The following EIF3A variants were observed in gnomAD, a reference collection of about 807,000 sequenced individuals.
EIF3A encodes eukaryotic translation initiation factor 3 subunit A.
EIF3A carries 21 observed loss-of-function variants against 186.6 expected under a neutral mutation model. That is an observed-to-expected ratio of 0.11 (90% CI 0.08 to 0.16). The LOEUF is 0.16. Ranked by LOEUF, EIF3A falls within the 10% of genes least tolerant of loss-of-function variation. EIF3A has a pLI of 1.00. For missense variants in EIF3A, 1,306 were observed against 1,796.3 expected, an observed-to-expected ratio of 0.73 and a Z score of 4.93; for synonymous variants, 563 against 584.3, an observed-to-expected ratio of 0.96 and a Z score of 0.52.
chr10:119,047,254 C>T (rs1848293360), intron 17 of EIF3A, among the ~76,000 whole-genome samples: 1 of 152,024 alleles, frequency 6.6e-6, no homozygotes, highest in South Asian at 2.1e-4. Context: ...GGCAACAGAG[C>T]GAGACTGTCT....
intron 8 of EIF3A, 29 bp downstream of exon 8, chr10:119,061,195 A>T: frequency 1.5e-6 from 2 of 1,307,986 alleles, no homozygotes; most frequent in Non-Finnish European, 2.2e-6. Flanking sequence ...CTCTGTGGTA[A>T]CAACCAGAAC....
chr10:119,040,534 A>ATG, intron 19 of EIF3A, among the ~76,000 whole-genome samples: 1 of 152,318 alleles, frequency 6.6e-6, no homozygotes, highest in East Asian at 1.9e-4. Context: ...GATGTGCTAT[A>ATG]TGCAGTAAGC....
chr10:119,049,591 C>A (rs1175593503), intron 17 of EIF3A, among the ~76,000 whole-genome samples: 1 of 145,688 alleles, frequency 6.9e-6, no homozygotes, highest in Non-Finnish European at 1.5e-5. Context: ...AAATACATCA[C>A]AATTACAAAA....
At position 119,042,842 on chromosome 10, in the gene EIF3A, T is replaced by C. The variant is rs903474368; in HGVS notation, c.2748-70A>G. On this transcript the variant is annotated intron_variant, in intron 18 of 21. Transcript: ENST00000369144. This position sits in a 1 kb window ranked among gnomAD's most constrained non-coding sequence, Gnocchi z 7.8. The stretch of plus-strand genomic sequence containing the variant: ...CATATGATCCTTTGGGGATTTTTTT[T>C]TTCACATGCTTTTTAAAAACTTCAG... 1 of 1,467,486 alleles carries C rather than the reference T, an allele frequency of 6.8e-7. No homozygotes were observed. Among genetic ancestry groups the C allele is most frequent in the African/African-American group, 1.4e-5 (1 of 70,092 alleles). The allele number at this position is 1,467,486 out of a possible 1,614,324, so 90.9% of individuals were successfully genotyped here.
chr10:119,037,080 A>C (rs1848141885), intron 21 of EIF3A, 39 bp downstream of exon 21: 31 of 360,942 alleles, frequency 8.6e-5, no homozygotes, highest in East Asian at 1.5e-4. Flanking sequence ...CCCAGAAACG[A>C]CAGTTCTCCA....
At position 119,080,757 on chromosome 10, in the gene EIF3A, C is replaced by A. The variant is rs1844252863; in HGVS notation, c.-81G>T. On this transcript the variant is annotated 5_prime_UTR_variant, in exon 1 of 22. Coordinates refer to ENST00000369144, the MANE Select transcript of EIF3A (RefSeq NM_003750.4). ...GGGAGAGGAGACGAAGGGGAACCAG[C>A]GTAAGGTCCCACGCGCCTCGCCAGC... 3.9e-6 allele frequency: 6 copies of A among 1,528,762 alleles called. No individual in the cohort carries two copies. In the South Asian group the frequency reaches 6.1e-5, roughly 16 times the overall value. 94.7% of individuals were successfully genotyped at this position (1,528,762 alleles called of 1,614,324 possible).
chr10:119,066,709 C>T (rs1012233653), intron 6 of EIF3A, among the ~76,000 whole-genome samples: 1 of 151,934 alleles, frequency 6.6e-6, no homozygotes, highest in Non-Finnish European at 1.5e-5. Context: ...CCAAAGACTG[C>T]GAGCCCTGGA....
Position 119,058,049 on chromosome 10 carries a change from A to G in EIF3A, c.1884T>C (p.His628=), listed in dbSNP as rs1843817871. 6 of 1,614,130 alleles carry G rather than the reference A, an allele frequency of 3.7e-6. No individual in the cohort carries two copies. Among genetic ancestry groups the G allele is most frequent in the Non-Finnish European group, 5.1e-6 (6 of 1,180,026 alleles). The change falls in exon 12 of 22, where the codon CAT becomes CAC. Residue 628 remains histidine (H), a synonymous_variant. Transcript: ENST00000369144. ...EREKERILQE[H]EQIKKKTVRE... is the part of the protein sequence containing the mutation. ...GGACAGTTTTCTTTTTGATTTGTTCATGTTCCTGTAAGATACGCTCCTTCT... is the reference window on the plus strand; with the variant it reads ...GGACAGTTTTCTTTTTGATTTGTTCGTGTTCCTGTAAGATACGCTCCTTCT...
chr10:119,075,256 A>G (rs1844147457), intron 1 of EIF3A, among the ~76,000 whole-genome samples: 1 of 152,094 alleles, frequency 6.6e-6, no homozygotes, highest in Non-Finnish European at 1.5e-5. Context: ...CACCATGCCC[A>G]GACAACTTAT....
At position 119,065,515 on chromosome 10, in the gene EIF3A, T is replaced by C. The variant is rs777221269; in HGVS notation, c.1006A>G (p.Thr336Ala). ...ATATCCAGAAGTCGAGCAATATCCG[T>C]ACGCTCAGGAGTAATAGGGATGGAA... ...TLSIPITPER[T>A]DIARLLDMDG... The change falls in exon 7 of 22, where the codon ACG becomes GCG. Residue 336 changes from threonine (T) to alanine (A), a missense_variant. Transcript: ENST00000369144. The C allele has an allele frequency of 1.2e-6, 2 of 1,613,252 alleles. No individual in the cohort carries two copies. Among genetic ancestry groups the C allele is most frequent in the Admixed American group, 1.7e-5 (1 of 60,000 alleles).
intron 5 of EIF3A, 77 bp from the exon 6 acceptor site, chr10:119,069,731 T>A: frequency 1.3e-6 from 1 of 761,498 alleles, no homozygotes; most frequent in Non-Finnish European, 2.3e-6. Flanking sequence ...CTATGAAACC[T>A]ACAACACAGA....
At chr10:119,041,496 C>T (rs532306692) in intron 19 of EIF3A, among the ~76,000 whole-genome samples, 2 of 151,990 alleles carry the variant, frequency 1.3e-5, no homozygotes, top group Admixed American at 6.5e-5. Context: ...CCCTAGGGTC[C>T]GGGAGGTCAA....
At chr10:119,037,054 C>A (rs549013373) in intron 21 of EIF3A, 65 bp downstream of exon 21, 21 of 932,752 alleles carry the variant, frequency 2.3e-5, no homozygotes, top group Admixed American at 7.5e-5. Flanking sequence ...AATTAAATAA[C>A]CCAAATCCCC....
chr10:119,053,967 G>A (rs1350670872), intron 14 of EIF3A, among the ~76,000 whole-genome samples: 2 of 152,060 alleles, frequency 1.3e-5, no homozygotes, highest in East Asian at 1.9e-4. Flanking sequence ...GTTGCCCAGG[G>A]TGGAGTGCAG....
intron 5 of EIF3A, 72 bp downstream of exon 5, chr10:119,070,814 T>C (rs114645109): frequency 1.9e-6 from 2 of 1,044,272 alleles, no homozygotes; most frequent in African/African-American, 3.1e-5. Context: ...AAGATGAAGC[T>C]ATTCATTAAG....
In EIF3A at chr10:119,036,262, G is replaced by C. The variant is rs1345089132; in HGVS notation, c.3926C>G (p.Ser1309Cys). The change falls in exon 22 of 22, where the codon TCT (serine) becomes TGT (cysteine). Residue 1309 changes from serine (S) to cysteine (C), a missense_variant. Physicochemically the swap from Ser to Cys is moderately radical, Grantham distance 112. Transcript: ENST00000369144. ...TTTCCTGTCATCAGCACGTCTCCAA[G>C]AACTTACTAAAAAGTTTAATTAAAA... The part of the protein sequence containing the change: ...PLRSEREEVS[S>C]WRRADDRKDD... The C allele has an allele frequency of 6.2e-7, 1 of 1,601,796 alleles. No homozygotes were observed. The highest frequency in any genetic ancestry group is 1.1e-5 in the South Asian group (1 of 88,062).
chr10:119,040,977 G>A (rs906186661), intron 19 of EIF3A, among the ~76,000 whole-genome samples: 8 of 131,266 alleles, frequency 6.1e-5, no homozygotes, highest in African/African-American at 8.6e-5. Flanking sequence ...CTGCACTCCA[G>A]CCAGATGACA....
In EIF3A at chr10:119,059,579, G is replaced by A. The variant is rs145030832; in HGVS notation, c.1443+23C>T. 49 of 1,569,910 alleles carry A rather than the reference G, an allele frequency of 3.1e-5. No individual in the cohort carries two copies. The African/African-American group carries it at 6.1e-4, about 19-fold the overall frequency. On this transcript the variant is annotated intron_variant, in intron 10 of 21. Transcript: ENST00000369144. Reference sequence around the variant, plus strand: ...TTCTAGCCCTCAAGGGCCTTCTCCTGTCTCCTTACAGCACATACCTACCTG... The same window carrying A: ...TTCTAGCCCTCAAGGGCCTTCTCCTATCTCCTTACAGCACATACCTACCTG...
chr10:119,066,960 C>T (rs1462466681), intron 6 of EIF3A, among the ~76,000 whole-genome samples: 1 of 151,946 alleles, frequency 6.6e-6, no homozygotes, highest in African/African-American at 2.4e-5. Flanking sequence ...TGCCTGTAAT[C>T]CCAACACTTT....
Sources: allele counts gnomAD v4.1 joint callset (sites outside exome capture counted in the v4.1 genomes callset), GRCh38; gene constraint gnomAD v4.1.1; non-coding constraint Gnocchi (gnomAD v3.1); transcripts MANE v1.5; gene names NCBI Gene and HGNC (gene_info 2026-07-23, HGNC 2026-07-21).